The following SMIM14 variants were observed in gnomAD, a reference collection of about 807,000 sequenced individuals.
SMIM14 encodes the protein small integral membrane protein 14.
A neutral mutation model predicts 12.6 loss-of-function variants in SMIM14; 5 were observed. That is an observed-to-expected ratio of 0.40 (90% CI 0.21 to 0.83). The LOEUF is 0.83. Ranked by LOEUF, SMIM14 falls within the 40% of genes least tolerant of loss-of-function variation. The pLI is 0.37. For missense variants in SMIM14, 86 were observed against 119.1 expected, an observed-to-expected ratio of 0.72 and a Z score of 1.29; for synonymous variants, 30 against 40.1, an observed-to-expected ratio of 0.75 and a Z score of 0.95.
rs961371241 is a variant in SMIM14 at position 39,590,825 on chromosome 4, T to C, written c.75+14246A>G. ...TCAAAAAAAAAAAAAAAAAATTCCATAGTTATCACGGGGCATATTCCTATA... is the reference window on the plus strand; with the variant it reads ...TCAAAAAAAAAAAAAAAAAATTCCACAGTTATCACGGGGCATATTCCTATA... On this transcript the variant is annotated intron_variant, in intron 2 of 4. Coordinates refer to ENST00000295958, the MANE Select transcript of SMIM14 (RefSeq NM_174921.3). 1.7e-4 allele frequency among the ~76,000 whole-genome samples: 26 copies of C among 150,786 alleles called. No individual in the cohort carries two copies. In the Admixed American group the frequency reaches 1.7e-3, roughly 10 times the overall value.
At chr4:39,585,428 C>T (rs898936324) in intron 2 of SMIM14, among the ~76,000 whole-genome samples, 1 of 152,006 alleles carries the variant, frequency 6.6e-6, no homozygotes, top group African/African-American at 2.4e-5. Flanking sequence ...TCCTGAGTAG[C>T]TGGGATTACA....
intron 3 of SMIM14, among the ~76,000 whole-genome samples, chr4:39,556,781 T>A (rs899005000): frequency 1.3e-5 from 2 of 152,158 alleles, no homozygotes; most frequent in Non-Finnish European, 2.9e-5. Flanking sequence ...CAAAACTTAG[T>A]AAGTTTTTGT....
rs552968403 is a variant in SMIM14 at position 39,576,226 on chromosome 4, G to A, written c.76-3763C>T. On this transcript the variant is annotated intron_variant, in intron 2 of 4. Coordinates refer to ENST00000295958, the MANE Select transcript of SMIM14 (RefSeq NM_174921.3). ...TTTTTTCTTTCTTTTTATATAACAC[G>A]TTCTACAAAGCTTCTGGAATGAACA... Among the ~76,000 whole-genome samples, 216 of 149,446 alleles carry A rather than the reference G, an allele frequency of 1.4e-3. 1 individual carries two copies. The highest frequency in any genetic ancestry group is 2.4e-3 in the Non-Finnish European group (165 of 67,580).
In SMIM14 at chr4:39,546,361, C is replaced by T. The variant is rs1017910352; in HGVS notation, c.*5765G>A. ...TTTGTTGAAGTGTTTATTGAACGAA[C>T]ATAATACATTTGTCTGAGAAGAGAT... On this transcript the variant is annotated 3_prime_UTR_variant, in exon 5 of 5. Coordinates refer to ENST00000295958, the MANE Select transcript of SMIM14 (RefSeq NM_174921.3). The T allele has an allele frequency of 7.9e-5, 12 of 152,120 alleles. No individual in the cohort carries two copies. Among genetic ancestry groups the T allele is most frequent in the Admixed American group, 1.3e-4 (2 of 15,266 alleles). 9.4% of individuals were successfully genotyped at this position (152,120 alleles called of 1,614,324 possible).
In SMIM14 at chr4:39,553,569, C is replaced by T. The variant is rs189815549; in HGVS notation, c.268-1411G>A. On this transcript the variant is annotated intron_variant, in intron 4 of 4. Transcript: ENST00000295958. ...AGAAAAAATAAAAATAAATGTAAGGCTTTTTATATAGTGCTAATAATGCCG... is the reference window on the plus strand; with the variant it reads ...AGAAAAAATAAAAATAAATGTAAGGTTTTTTATATAGTGCTAATAATGCCG... 2.6e-3 allele frequency among the ~76,000 whole-genome samples: 384 copies of T among 150,450 alleles called. 1 individual carries two copies. Among genetic ancestry groups the T allele is most frequent in the African/African-American group, 9.0e-3 (371 of 41,140 alleles).
In SMIM14 at chr4:39,574,861, C is replaced by T. The variant is rs543165637; in HGVS notation, c.76-2398G>A. ...AAGTAGTCCTGTTTGGAGCCAGGCCCGGTGGCTCATGCCTGTAATTCTAGC... is the reference window on the plus strand; with the variant it reads ...AAGTAGTCCTGTTTGGAGCCAGGCCTGGTGGCTCATGCCTGTAATTCTAGC... On this transcript the variant is annotated intron_variant, in intron 2 of 4. Transcript: ENST00000295958. Among the ~76,000 whole-genome samples the T allele has an allele frequency of 1.1e-4, 17 of 151,990 alleles. No individual in the cohort carries two copies. The South Asian group carries it at 1.2e-3, about 11-fold the overall frequency.
intron 2 of SMIM14, among the ~76,000 whole-genome samples, chr4:39,580,179 T>G (rs929242375): frequency 6.6e-6 from 1 of 151,330 alleles, no homozygotes; most frequent in Non-Finnish European, 1.5e-5. Context: ...TGTGTGTGGT[T>G]TTATTATTAT....
At chr4:39,638,434 C>A in intron 1 of SMIM14, 1 of 984,088 alleles carries the variant, frequency 1.0e-6, no homozygotes, top group South Asian at 4.7e-5. Flanking sequence ...CTCCACCCGT[C>A]GACAATCTGA....
chr4:39,582,510 C>T (rs574564403), intron 2 of SMIM14, among the ~76,000 whole-genome samples: 19 of 151,570 alleles, frequency 1.3e-4, no homozygotes, highest in African/African-American at 4.4e-4. Context: ...ACTAAAAATA[C>T]GAAATTAGCT....
chr4:39,569,749 A>G (rs2110003809), intron 3 of SMIM14, among the ~76,000 whole-genome samples: 1 of 152,278 alleles, frequency 6.6e-6, no homozygotes, highest in Non-Finnish European at 1.5e-5. Flanking sequence ...AAAAAAAAGA[A>G]AAAAAGAAAA....
At chr4:39,621,300 A>G (rs1715476096) in intron 1 of SMIM14, among the ~76,000 whole-genome samples, 1 of 151,562 alleles carries the variant, frequency 6.6e-6, no homozygotes, top group Non-Finnish European at 1.5e-5. Context: ...AAAAAATCCC[A>G]AGTAAAATTA....
At chr4:39,584,389 G>A (rs1713668220) in intron 2 of SMIM14, among the ~76,000 whole-genome samples, 1 of 147,994 alleles carries the variant, frequency 6.8e-6, no homozygotes, top group South Asian at 2.2e-4. Flanking sequence ...GGCTGAGGCA[G>A]GAGAATTGCT....
At chr4:39,562,192 A>G (rs908396578) in intron 3 of SMIM14, among the ~76,000 whole-genome samples, 1 of 151,952 alleles carries the variant, frequency 6.6e-6, no homozygotes, top group Non-Finnish European at 1.5e-5. Flanking sequence ...TGGGCAACAT[A>G]GTGAGACCCC....
intron 1 of SMIM14, among the ~76,000 whole-genome samples, chr4:39,620,698 GA>G (rs1370363443): frequency 1.3e-5 from 2 of 152,142 alleles, no homozygotes; most frequent in East Asian, 3.8e-4. Context: ...TAATGAAAAC[GA>G]TATTTTACTA....
Position 39,556,558 on chromosome 4 carries a change from G to A in SMIM14, c.137C>T (p.Ser46Phe), listed in dbSNP as rs1712023900. 1 of 1,606,008 alleles carries A rather than the reference G, an allele frequency of 6.2e-7. No individual in the cohort carries two copies. The highest frequency in any genetic ancestry group is 1.1e-5 in the South Asian group (1 of 88,846). Reference sequence around the variant, plus strand: ...TGTAACACTGATGCCATTATCACCAGAGGGTCCCGGTACTAAAGACAAACA... The same window carrying A: ...TGTAACACTGATGCCATTATCACCAAAGGGTCCCGGTACTAAAGACAAACA... ...TECLQELPGP[S>F]GDNGISVTMI... Residue 46 changes from serine to phenylalanine, a missense_variant, in exon 4 of 5, where the codon TCT (serine) becomes TTT (phenylalanine). By Grantham distance (155) the Ser-to-Phe change is radical. Coordinates refer to ENST00000295958, the MANE Select transcript of SMIM14 (RefSeq NM_174921.3).
In SMIM14 at chr4:39,550,955, G is replaced by A. The variant is rs1388728417; in HGVS notation, c.*1171C>T. On this transcript the variant is annotated 3_prime_UTR_variant, in exon 5 of 5. Transcript: ENST00000295958. ...GAGGGAGTCTCGCTCTATTGCTTAG[G>A]CTGGAATGCAGTGGTGCGATCTTGG... 2.6e-5 allele frequency: 4 copies of A among 151,752 alleles called. No homozygotes were observed. In the East Asian group the frequency reaches 5.8e-4, roughly 22 times the overall value. 9.4% of individuals were successfully genotyped at this position (151,752 alleles called of 1,614,324 possible). A position where few individuals can be genotyped will look rare whatever the true frequency, so the allele number is the denominator to read the frequency against.
At chr4:39,584,787 C>A (rs11728452) in intron 2 of SMIM14, among the ~76,000 whole-genome samples, 17,643 of 103,978 alleles carry the variant, frequency 0.17, 1,758 homozygotes, top group South Asian at 0.38. Context: ...TCAAGCAGGA[C>A]CTTGTCAAAA....
At chr4:39,613,645 G>C (rs1715112540) in intron 1 of SMIM14, among the ~76,000 whole-genome samples, 1 of 152,182 alleles carries the variant, frequency 6.6e-6, no homozygotes, top group South Asian at 2.1e-4. Context: ...CAGTTTTACT[G>C]AATCAGAATT....
intron 1 of SMIM14, among the ~76,000 whole-genome samples, chr4:39,612,930 A>G (rs964828433): frequency 6.6e-6 from 1 of 152,230 alleles, no homozygotes; most frequent in Non-Finnish European, 1.5e-5. Context: ...AAGAAATTAA[A>G]TACAGAAATG....
Sources: gnomAD v4.1 joint callset for allele counts (sites outside exome capture counted in the v4.1 genomes callset) on GRCh38, gnomAD v4.1.1 for gene constraint, MANE v1.5 for transcripts, NCBI Gene and HGNC (gene_info 2026-07-23, HGNC 2026-07-21) for gene names.